Variants in CCDC149 observed in about 807,000 individuals in gnomAD.
CCDC149 encodes the protein coiled-coil domain-containing protein 149.
In CCDC149, 45 loss-of-function variants were observed where a neutral mutation model predicts 59.9. The ratio of observed to expected loss-of-function variants is 0.75; its 90% confidence interval spans 0.59 to 0.96. The LOEUF (loss-of-function observed/expected upper bound fraction) is 0.96, where lower values mean the gene tolerates loss of function less well. Among genes scored for constraint, CCDC149 ranks in the 40% least tolerant of loss-of-function variants. The pLI, the probability that CCDC149 is intolerant of heterozygous loss-of-function variation, is 0.00. For synonymous variants in CCDC149, 245 were observed against 260.6 expected (o/e 0.94, Z 0.58); for missense variants, 584 against 664.7 (o/e 0.88, Z 1.33).
At chr4:24,804,070 G>A (rs1402641859), downstream of CCDC149, among the ~76,000 whole-genome samples, 1 of 152,184 alleles carries the variant, frequency 6.6e-6, no homozygotes, top group Non-Finnish European at 1.5e-5. Context: ...TGTGTTGGGG[G>A]CAATGCTTTG....
chr4:24,876,573 C>T lies in CCDC149; in HGVS notation c.188G>A (p.Arg63His), dbSNP rs568661453. The T allele has an allele frequency of 3.2e-5, 51 of 1,614,040 alleles. No homozygotes were observed. Among genetic ancestry groups the T allele is most frequent in the Middle Eastern group, 1.6e-4 (1 of 6,062 alleles). ...GTACTTCTTCTTCAGTGACTGGTGG[C>T]GCTCCCGGAGCTGATTGGCCATGAG... Residue 63 changes from arginine to histidine, a missense_variant, in exon 2 of 13, where the codon CGC becomes CAC. Arg to His is a conservative substitution (Grantham distance 29). Transcript: ENST00000635206.
intron 1 of CCDC149, among the ~76,000 whole-genome samples, chr4:24,961,300 T>C (rs751043338): frequency 7.9e-5 from 12 of 152,030 alleles, no homozygotes; most frequent in Non-Finnish European, 1.8e-4. Flanking sequence ...AAATGGACAC[T>C]GACAAAAAAA....
chr4:24,928,078 A>G (rs1722477726), intron 1 of CCDC149, among the ~76,000 whole-genome samples: 5 of 152,234 alleles, frequency 3.3e-5, no homozygotes, highest in Admixed American at 3.3e-4. Context: ...GAGCATTAGC[A>G]AGAGAGTTCT....
intron 1 of CCDC149, among the ~76,000 whole-genome samples, chr4:24,896,389 T>G (rs561339813): frequency 4.9e-4 from 74 of 152,302 alleles, no homozygotes; most frequent in African/African-American, 1.7e-3. Context: ...TGTAAAGAAT[T>G]ATTTTTATCA....
rs376993025 is a variant in CCDC149, at chr4:24,927,415, A to G, written c.-64-32297T>C. Among the ~76,000 whole-genome samples, 6 of 152,364 alleles carry G rather than the reference A, an allele frequency of 3.9e-5. No homozygotes were observed. The East Asian group carries it at 9.6e-4, about 24-fold the overall frequency. ...TCTGTATTACAAATGCAGCATAAAT[A>G]TATGTTTTCCATAGCTCTTGCAGAG... On this transcript the variant is annotated intron_variant, in intron 1 of 12. Coordinates refer to the CCDC149 transcript ENST00000389609.
At chr4:24,847,059 C>T (rs1021713456) in intron 4 of CCDC149, among the ~76,000 whole-genome samples, 31 of 152,184 alleles carry the variant, frequency 2.0e-4, no homozygotes, top group African/African-American at 7.5e-4. Flanking sequence ...ATGCTTGATG[C>T]TGGCGAAGTC....
intron 1 of CCDC149, among the ~76,000 whole-genome samples, chr4:24,957,060 T>A (rs1008162437): frequency 2.6e-5 from 4 of 152,194 alleles, no homozygotes; most frequent in Non-Finnish European, 4.4e-5. Flanking sequence ...ATCCCTAGAA[T>A]TATGGAATAA....
At chr4:24,889,927 C>T (rs1009543048) in intron 1 of CCDC149, among the ~76,000 whole-genome samples, 5 of 152,138 alleles carry the variant, frequency 3.3e-5, no homozygotes, top group African/African-American at 1.2e-4. Flanking sequence ...GTTCCCGAAC[C>T]CTGGGAGGCA....
chr4:24,895,067 G>A, intron 1 of CCDC149: 2 of 1,486,880 alleles, frequency 1.3e-6, no homozygotes, highest in Non-Finnish European at 1.8e-6. Context: ...TGGTGATGAT[G>A]ATGAGTTAAT....
intron 1 of CCDC149, among the ~76,000 whole-genome samples, chr4:24,897,652 C>T (rs1013044881): frequency 7.2e-5 from 11 of 152,140 alleles, no homozygotes; most frequent in Admixed American, 2.6e-4. Context: ...ACTCAAACCC[C>T]AGCAAATCAG....
intron 1 of CCDC149, among the ~76,000 whole-genome samples, chr4:24,931,835 A>ATATG (rs1345509871): frequency 5.9e-5 from 6 of 102,090 alleles, no homozygotes; most frequent in Non-Finnish European, 1.3e-4. Context: ...GTATGTATAT[A>ATATG]TATATATATA....
At chr4:24,877,277 C>G (rs1373336639) in intron 1 of CCDC149, among the ~76,000 whole-genome samples, 1 of 152,052 alleles carries the variant, frequency 6.6e-6, no homozygotes, top group East Asian at 1.9e-4. Flanking sequence ...CCTCCACCTC[C>G]CGGGTTCAAG....
rs114605938 is a variant in CCDC149 at position 24,930,513 on chromosome 4, G to A, written c.-64-35395C>T. ...ATTGCTGAAAAAGTACAAAAACTAC[G>A]ATTCTTGGTTTTCTTAGGCAAATGA... On this transcript the variant is annotated intron_variant, in intron 1 of 12. Transcript: ENST00000389609. 3.5e-3 allele frequency among the ~76,000 whole-genome samples: 527 copies of A among 152,256 alleles called. 2 individuals are homozygous for A. The highest frequency in any genetic ancestry group is 0.012 in the African/African-American group (510 of 41,562).
At chr4:24,908,899 G>T (rs565551051) in intron 1 of CCDC149, among the ~76,000 whole-genome samples, 1 of 152,298 alleles carries the variant, frequency 6.6e-6, no homozygotes, top group South Asian at 2.1e-4. Context: ...GCGATGACCA[G>T]GATTTTTATC....
At chr4:24,855,331 G>A (rs562909554) in intron 3 of CCDC149, among the ~76,000 whole-genome samples, 3 of 152,130 alleles carry the variant, frequency 2.0e-5, no homozygotes, top group African/African-American at 2.4e-5. Context: ...TCGGGAGGCC[G>A]ACACGGGTGG....
At position 24,927,045 on chromosome 4, in the gene CCDC149, T is replaced by C. The variant is rs532975767; in HGVS notation, c.-64-31927A>G. On this transcript the variant is annotated intron_variant, in intron 1 of 12. Coordinates refer to the CCDC149 transcript ENST00000389609. Reference sequence around the variant, plus strand: ...CGAAGTCAGGCATGGTCACTTCTGCTACATCCCATAGGTTACAAGGAAGTC... The same window carrying C: ...CGAAGTCAGGCATGGTCACTTCTGCCACATCCCATAGGTTACAAGGAAGTC... 1.5e-3 allele frequency among the ~76,000 whole-genome samples: 235 copies of C among 152,324 alleles called. 1 individual carries two copies. The highest frequency in any genetic ancestry group is 3.4e-3 in the Middle Eastern group (1 of 294).
chr4:24,830,600 T>C (rs1229830020), intron 9 of CCDC149: 1 of 152,238 alleles, frequency 6.6e-6, no homozygotes, highest in African/African-American at 2.4e-5. Context: ...AGGCCCCGGA[T>C]TCTCTGGTCC....
intron 1 of CCDC149, among the ~76,000 whole-genome samples, chr4:24,894,243 T>A (rs555072765): frequency 3.1e-4 from 47 of 152,222 alleles, no homozygotes; most frequent in Non-Finnish European, 5.9e-4. Context: ...ATGTGGTGGC[T>A]GGCACACTGC....
chr4:24,938,102 AAATT>A (rs1722835485), intron 1 of CCDC149, among the ~76,000 whole-genome samples: 1 of 152,188 alleles, frequency 6.6e-6, no homozygotes. Context: ...AATCAGGGTG[AAATT>A]ACCATAGTTC....
Sources: allele counts gnomAD v4.1 joint callset (sites outside exome capture counted in the v4.1 genomes callset), GRCh38; gene constraint gnomAD v4.1.1; transcripts MANE v1.5; gene names NCBI Gene and HGNC (gene_info 2026-07-23, HGNC 2026-07-21).